ACACB: variants seen among roughly 807,000 people sequenced by gnomAD.
The protein encoded by ACACB is acetyl-CoA carboxylase beta.
ACACB carries 209 observed loss-of-function variants against 278.8 expected under a neutral mutation model. The ratio of observed to expected loss-of-function variants is 0.75; its 90% confidence interval spans 0.67 to 0.84. ACACB has a LOEUF of 0.84. ACACB is among the 40% of genes least tolerant of loss of function. The pLI, the probability that ACACB is intolerant of heterozygous loss-of-function variation, is 0.00. For synonymous variants in ACACB, 1,174 were observed against 1,285.6 expected, an observed-to-expected ratio of 0.91 and a Z score of 1.86; for missense variants, 2,850 against 3,269.0, an observed-to-expected ratio of 0.87 and a Z score of 3.13.
intron 16 of ACACB, 24 bp from the exon 17 acceptor site, chr12:109,196,984 G>T: frequency 2.0e-6 from 3 of 1,525,844 alleles, no homozygotes; most frequent in Non-Finnish European, 2.6e-6. Context: ...AACCCAGGCG[G>T]TGACAAGGGG....
In ACACB at chr12:109,216,599, A is replaced by T; in HGVS notation, c.3351-19A>T. 7.4e-6 allele frequency: 12 copies of T among 1,612,400 alleles called. No individual in the cohort carries two copies. The highest frequency in any genetic ancestry group is 1.0e-5 in the Non-Finnish European group (12 of 1,178,414). ...AAGGAAGGGTGTGAGCATTAAGAGC[A>T]GCCTTCCCTTCTCCCCAGATACCGC... On this transcript the variant is annotated intron_variant, in intron 22 of 52. Coordinates refer to ENST00000338432, the MANE Select transcript of ACACB (RefSeq NM_001093.4).
Position 109,262,401 on chromosome 12 carries a change from G to T in ACACB, c.6719G>T (p.Arg2240Leu). ...EPEGTVEIKF[R>L]KKDLIKSMRR... ...GAGGGGACAGTGGAGATTAAGTTCC[G>T]AAAGAAAGATCTGATAAAGTCCATG... The change falls in exon 49 of 53, where the codon CGA becomes CTA. Residue 2240 changes from arginine (R) to leucine (L), a missense_variant. By Grantham distance (102) the Arg-to-Leu change is moderately radical. Around this residue, in one of 3 missense-constraint regions of ACACB, gnomAD observed 579 missense variants for 684.6 expected, o/e 0.85. Coordinates refer to ENST00000338432, the MANE Select transcript of ACACB (RefSeq NM_001093.4). The T allele has an allele frequency of 6.2e-7, 1 of 1,613,680 alleles. No homozygotes were observed. The highest frequency in any genetic ancestry group is 8.5e-7 in the Non-Finnish European group (1 of 1,179,858).
intron 36 of ACACB, chr12:109,241,638 C>A: frequency 6.9e-6 from 2 of 287,770 alleles, no homozygotes; most frequent in South Asian, 8.3e-5. Context: ...TGAGCCACCA[C>A]GCCTGGCCAT....
At chr12:109,224,341 G>T (rs1261473925) in intron 27 of ACACB, among the ~76,000 whole-genome samples, 1 of 151,612 alleles carries the variant, frequency 6.6e-6, no homozygotes, top group South Asian at 2.1e-4. Flanking sequence ...AGGAGCCCAG[G>T]TGACAACTTA....
chr12:109,209,206 C>T lies in ACACB; in HGVS notation c.3102C>T (p.His1034=). 6.2e-7 allele frequency: 1 copy of T among 1,608,724 alleles called. No homozygotes were observed. The highest frequency in any genetic ancestry group is 8.5e-7 in the Non-Finnish European group (1 of 1,178,398). Residue 1034 remains histidine, a synonymous_variant, in exon 21 of 53, where the codon CAC becomes CAT. Transcript: ENST00000338432. The stretch of plus-strand genomic sequence containing the variant: ...AGAAGCTCATGATGACCCTCCGGCA[C>T]CCGTCACTGCCGCTGCTGGAGCTGC... ...WVQKLMMTLR[H]PSLPLLELQE...
intron 19 of ACACB, among the ~76,000 whole-genome samples, chr12:109,206,181 A>G (rs2045501500): frequency 6.6e-6 from 1 of 152,164 alleles, no homozygotes; most frequent in Admixed American, 6.6e-5. Flanking sequence ...CACCCCTGTA[A>G]TCCCAGCACT....
At chr12:109,259,594 C>A (rs1236765809) in intron 47 of ACACB, among the ~76,000 whole-genome samples, 4 of 138,382 alleles carry the variant, frequency 2.9e-5, no homozygotes, top group African/African-American at 1.0e-4. Context: ...AAAAAAAAAA[C>A]AATGAGGAAC....
At chr12:109,260,723 C>T in intron 48 of ACACB, 66 bp downstream of exon 48, 1 of 1,444,600 alleles carries the variant, frequency 6.9e-7, no homozygotes, top group Non-Finnish European at 9.2e-7. Context: ...AGCCCATGAC[C>T]TTGGGAGATC....
chr12:109,201,961 G>C (rs2045347984), intron 19 of ACACB, among the ~76,000 whole-genome samples: 1 of 152,112 alleles, frequency 6.6e-6, no homozygotes, highest in African/African-American at 2.4e-5. Flanking sequence ...GACCCCAAAT[G>C]AGCTAGCTGT....
chr12:109,187,522 G>C (rs746991103), intron 12 of ACACB, among the ~76,000 whole-genome samples: 1 of 151,558 alleles, frequency 6.6e-6, no homozygotes, highest in Admixed American at 6.6e-5. Flanking sequence ...GTGCAGTGGC[G>C]TAGTCATGCC....
At chr12:109,255,564 C>T (rs1218086068) in intron 44 of ACACB, among the ~76,000 whole-genome samples, 2 of 152,222 alleles carry the variant, frequency 1.3e-5, no homozygotes, top group Non-Finnish European at 2.9e-5. Context: ...GCCTGAGATG[C>T]CTCTTACTCT....
At chr12:109,230,905 G>A (rs1384080135) in intron 28 of ACACB, among the ~76,000 whole-genome samples, 1 of 152,150 alleles carries the variant, frequency 6.6e-6, no homozygotes, top group African/African-American at 2.4e-5. Context: ...AGGACCCTGG[G>A]GGATTCCTGG....
chr12:109,192,999 C>T (rs978848195), intron 15 of ACACB, among the ~76,000 whole-genome samples: 4 of 152,110 alleles, frequency 2.6e-5, no homozygotes, highest in Non-Finnish European at 4.4e-5. Context: ...TGCTTTTGAA[C>T]GGTAGTAGAA....
Position 109,172,370 on chromosome 12 carries a change from C to G in ACACB, c.1117+14C>G. 2 of 1,612,626 alleles carry G rather than the reference C, an allele frequency of 1.2e-6. No individual in the cohort carries two copies. The highest frequency in any genetic ancestry group is 1.7e-6 in the Non-Finnish European group (2 of 1,178,762). ...TTGCTTTCTTAGGTAGAGTGTGTCC[C>G]CATCAGATACATGGGAATTGGGGTA... On this transcript the variant is annotated intron_variant, in intron 6 of 52. Transcript: ENST00000338432.
intron 43 of ACACB, among the ~76,000 whole-genome samples, chr12:109,253,925 T>C (rs1213865132): frequency 1.3e-5 from 2 of 152,164 alleles, no homozygotes; most frequent in African/African-American, 2.4e-5. Context: ...TATCTGACCA[T>C]ATATAGCAGT....
At chr12:109,217,688 T>C (rs2046044518) in intron 24 of ACACB, among the ~76,000 whole-genome samples, 1 of 151,404 alleles carries the variant, frequency 6.6e-6, no homozygotes. Flanking sequence ...TAGTCCCAGC[T>C]ACTCAGGGGG....
Position 109,237,237 on chromosome 12 carries a change from A to C in ACACB, c.4519A>C (p.Asn1507His), listed in dbSNP as rs2046656635. ...CCAGCTGGAACTTAACCGGATGCGT[A>C]ACTTCGATCTGACCGCCGTGCCCTG... ...AFQLELNRMR[N>H]FDLTAVPCAN... Residue 1507 changes from asparagine to histidine, a missense_variant, in exon 34 of 53, where the codon AAC becomes CAC. By Grantham distance (68) the Asn-to-His change is moderately conservative. This residue lies in a region of ACACB where 2,265 missense variants were observed against 2,561.3 expected (regional missense o/e 0.88). Transcript: ENST00000338432. The C allele has an allele frequency of 1.9e-6, 3 of 1,614,160 alleles. No individual in the cohort carries two copies. Among genetic ancestry groups the C allele is most frequent in the Non-Finnish European group, 1.7e-6 (2 of 1,180,030 alleles).
At chr12:109,199,380 C>A in intron 17 of ACACB, 22 bp from the exon 18 acceptor site, 1 of 1,457,382 alleles carries the variant, frequency 6.9e-7, no homozygotes, top group Non-Finnish European at 9.1e-7. Context: ...AGTCTCCCTA[C>A]CCGACTCCTC....
intron 34 of ACACB, among the ~76,000 whole-genome samples, chr12:109,239,139 A>T (rs931330802): frequency 2.1e-5 from 3 of 146,032 alleles, no homozygotes; most frequent in African/African-American, 7.7e-5. Flanking sequence ...CTGGTCTCGA[A>T]CTCCTGACAA....
Sources: allele counts gnomAD v4.1 joint callset (sites outside exome capture counted in the v4.1 genomes callset), GRCh38; gene constraint gnomAD v4.1.1; regional missense constraint gnomAD v4.1.1; transcripts MANE v1.5; gene names NCBI Gene and HGNC (gene_info 2026-07-23, HGNC 2026-07-21).